Variants in CTNNA3 observed in about 807,000 individuals in gnomAD.
CTNNA3 encodes catenin alpha 3, also known as catenin alpha-3.
In CTNNA3, 76 loss-of-function variants were observed where a neutral mutation model predicts 95.7. The observed-to-expected ratio is 0.79, with a 90% CI of 0.66 to 0.96. CTNNA3 has a LOEUF of 0.96. CTNNA3 is among the 40% of genes least tolerant of loss of function. The pLI, the probability that CTNNA3 is intolerant of heterozygous loss-of-function variation, is 0.00. For synonymous variants in CTNNA3, 431 were observed against 374.4 expected, an observed-to-expected ratio of 1.15 and a Z score of -1.74; for missense variants, 1,191 against 1,089.8, an observed-to-expected ratio of 1.09 and a Z score of -1.31.
chr10:65,945,416 C>G (rs1361426151), intron 17 of CTNNA3, among the ~76,000 whole-genome samples: 1 of 152,090 alleles, frequency 6.6e-6, no homozygotes, highest in South Asian at 2.1e-4. Flanking sequence ...TGATACTTCA[C>G]GAATTATAGG....
intron 5 of CTNNA3, among the ~76,000 whole-genome samples, chr10:67,226,955 CAGA>C (rs753863693): frequency 2.6e-5 from 4 of 152,170 alleles, no homozygotes; most frequent in Non-Finnish European, 4.4e-5. Context: ...CCACAGAATG[CAGA>C]AGAACTCACC....
chr10:67,076,339 C>G (rs1011273576), intron 7 of CTNNA3, among the ~76,000 whole-genome samples: 2 of 152,198 alleles, frequency 1.3e-5, no homozygotes, highest in Non-Finnish European at 2.9e-5. Context: ...TATGAGTAAT[C>G]ATGATCCAGT....
chr10:67,274,478 T>C (rs556333636), intron 5 of CTNNA3, among the ~76,000 whole-genome samples: 171 of 152,276 alleles, frequency 1.1e-3, no homozygotes, highest in African/African-American at 3.9e-3. Context: ...TATGAAGACA[T>C]TGGCAAATTT....
intron 9 of CTNNA3, among the ~76,000 whole-genome samples, chr10:66,673,965 A>T (rs1016891651): frequency 6.6e-5 from 10 of 151,950 alleles, no homozygotes; most frequent in African/African-American, 2.4e-4. Context: ...ATCTCACAAT[A>T]ATATCTAGAT....
At chr10:66,000,206 A>T (rs923537490) in intron 15 of CTNNA3, among the ~76,000 whole-genome samples, 1 of 152,120 alleles carries the variant, frequency 6.6e-6, no homozygotes, top group Non-Finnish European at 1.5e-5. Flanking sequence ...ATCTTTGAAA[A>T]TTTATTGGCT....
intron 3 of CTNNA3, among the ~76,000 whole-genome samples, chr10:67,563,094 C>T (rs886418407): frequency 6.6e-6 from 1 of 152,002 alleles, no homozygotes; most frequent in Non-Finnish European, 1.5e-5. Flanking sequence ...AATGCCATCC[C>T]CATCAAGCTA....
chr10:67,144,627 C>G (rs550776683), intron 7 of CTNNA3, among the ~76,000 whole-genome samples: 23 of 152,298 alleles, frequency 1.5e-4, no homozygotes, highest in African/African-American at 5.5e-4. Context: ...ACAAACACTG[C>G]TGGCTTCAGA....
upstream of CTNNA3, among the ~76,000 whole-genome samples, chr10:67,699,725 T>A (rs1841019202): frequency 1.3e-5 from 2 of 152,196 alleles, no homozygotes. Context: ...TGCATTTCCA[T>A]CTGAGGTACC....
At chr10:67,361,764 T>C (rs1842998316) in intron 5 of CTNNA3, among the ~76,000 whole-genome samples, 2 of 151,548 alleles carry the variant, frequency 1.3e-5, no homozygotes, top group Non-Finnish European at 2.9e-5. Context: ...AATATAAATA[T>C]CTAAAATCAG....
chr10:66,051,710 A>G (rs546436698), intron 15 of CTNNA3, among the ~76,000 whole-genome samples: 286 of 152,300 alleles, frequency 1.9e-3, no homozygotes, highest in Non-Finnish European at 2.4e-3. Context: ...CATTCCTACA[A>G]ATCACTTGTT....
At chr10:67,742,312 C>A (rs147734854) in intron 1 of CTNNA3, among the ~76,000 whole-genome samples, 1 of 151,312 alleles carries the variant, frequency 6.6e-6, no homozygotes, top group East Asian at 1.9e-4. Context: ...TCTCAGACCA[C>A]GGTGCAATCA....
At chr10:66,717,569 A>G (rs147568609) in intron 9 of CTNNA3, among the ~76,000 whole-genome samples, 18 of 152,212 alleles carry the variant, frequency 1.2e-4, no homozygotes, top group Middle Eastern at 3.4e-3. Flanking sequence ...CATTACCTGG[A>G]TAAGCTGGCA....
chr10:67,208,303 C>T (rs940364724), intron 6 of CTNNA3, among the ~76,000 whole-genome samples: 1 of 147,882 alleles, frequency 6.8e-6, no homozygotes, highest in Non-Finnish European at 1.5e-5. Flanking sequence ...TGCTTGAACC[C>T]AGGAGGCAGA....
Position 66,621,680 on chromosome 10 carries a change from T to A in CTNNA3, c.1374+12A>T, listed in dbSNP as rs773071097. The A allele has an allele frequency of 2.0e-6, 3 of 1,501,988 alleles. No homozygotes were observed. The Admixed American group carries it at 5.4e-5, about 27-fold the overall frequency. The allele number at this position is 1,501,988 out of a possible 1,614,324, so 93.0% of individuals were successfully genotyped here. Reference sequence around the variant, plus strand: ...ATAATTTTACACACAAAAAGTAACTTAGTTGTCATACCTGTGGACACAAGG... The same window carrying A: ...ATAATTTTACACACAAAAAGTAACTAAGTTGTCATACCTGTGGACACAAGG... On this transcript the variant is annotated intron_variant, in intron 10 of 17. Transcript: ENST00000433211.
intron 7 of CTNNA3, among the ~76,000 whole-genome samples, chr10:66,942,468 C>A (rs990412790): frequency 2.0e-5 from 3 of 152,026 alleles, no homozygotes; most frequent in African/African-American, 4.8e-5. Flanking sequence ...AGTAATTCAA[C>A]ATCATTTCCA....
At chr10:66,413,331 C>A (rs138374830) in intron 11 of CTNNA3, among the ~76,000 whole-genome samples, 1 of 151,994 alleles carries the variant, frequency 6.6e-6, no homozygotes, top group Non-Finnish European at 1.5e-5. Flanking sequence ...TTAAAAGATT[C>A]TCAGATGATG....
intron 5 of CTNNA3, among the ~76,000 whole-genome samples, chr10:67,435,064 C>A (rs1846254054): frequency 6.6e-6 from 1 of 151,960 alleles, no homozygotes; most frequent in African/African-American, 2.4e-5. Context: ...ACAAATAAAG[C>A]ATTTCTTTTT....
intron 11 of CTNNA3, among the ~76,000 whole-genome samples, chr10:66,394,401 A>G (rs1469623794): frequency 6.6e-6 from 1 of 151,964 alleles, no homozygotes; most frequent in Non-Finnish European, 1.5e-5. Context: ...AACAAACAGA[A>G]AAAGTGAAAC....
chr10:66,438,738 G>A (rs1003397296), intron 11 of CTNNA3, among the ~76,000 whole-genome samples: 2 of 152,120 alleles, frequency 1.3e-5, no homozygotes, highest in African/African-American at 2.4e-5. Context: ...TACCACTGAG[G>A]TATGAAAAAA....
Sources: gnomAD v4.1 joint callset for allele counts (sites outside exome capture counted in the v4.1 genomes callset) on GRCh38, gnomAD v4.1.1 for gene constraint, MANE v1.5 for transcripts, NCBI Gene and HGNC (gene_info 2026-07-23, HGNC 2026-07-21) for gene names.